Variants in SUZ12 observed in about 807,000 individuals in gnomAD.
SUZ12 encodes SUZ12 polycomb repressive complex 2 subunit.
In SUZ12, 17 loss-of-function variants were observed where a neutral mutation model predicts 87.3. The observed-to-expected ratio is 0.19, with a 90% CI of 0.13 to 0.29. The LOEUF (loss-of-function observed/expected upper bound fraction) is 0.29, where lower values mean the gene tolerates loss of function less well. SUZ12 is among the 10% of genes least tolerant of loss of function. The pLI is 1.00. For missense variants in SUZ12, 526 were observed against 912.2 expected (o/e 0.58, Z 5.45); for synonymous variants, 253 against 312.4 (o/e 0.81, Z 2.01).
At chr17:31,957,670 C>G (rs759276213) in intron 4 of SUZ12, among the ~76,000 whole-genome samples, 1 of 152,010 alleles carries the variant, frequency 6.6e-6, no homozygotes, top group Non-Finnish European at 1.5e-5. Flanking sequence ...CTCAGCCTCC[C>G]AAAGTGCTGG....
At chr17:31,960,455 C>T (rs55671717) in intron 4 of SUZ12, among the ~76,000 whole-genome samples, 16,270 of 152,028 alleles carry the variant, frequency 0.11, 1,066 homozygotes, top group Middle Eastern at 0.15. Flanking sequence ...GTGATCTGCC[C>T]GCCTCGGCCT....
At chr17:31,996,017 TGGACAG>T (rs1242972856) in intron 14 of SUZ12, among the ~76,000 whole-genome samples, 1 of 152,160 alleles carries the variant, frequency 6.6e-6, no homozygotes, top group Non-Finnish European at 1.5e-5. Context: ...AAGACCAGTC[TGGACAG>T]CATGGTGAAA....
At chr17:31,955,072 G>A (rs753578454) in intron 4 of SUZ12, among the ~76,000 whole-genome samples, 2 of 152,064 alleles carry the variant, frequency 1.3e-5, no homozygotes, top group African/African-American at 2.4e-5. Context: ...CTGCATCCTC[G>A]AACTTCCAGG....
chr17:31,994,537 ATTT>A, intron 12 of SUZ12, 24 bp from the exon 13 acceptor site: 1 of 1,248,884 alleles, frequency 8.0e-7, no homozygotes, highest in Non-Finnish European at 1.1e-6. Flanking sequence ...TACTTAATAT[ATTT>A]TTTTTTTTAC....
rs1020708998 is a variant in SUZ12, at chr17:32,000,705, A to G, written c.*1702A>G. 4 of 231,928 alleles carry G rather than the reference A, an allele frequency of 1.7e-5. No individual in the cohort carries two copies. The highest frequency in any genetic ancestry group is 8.8e-5 in the African/African-American group (4 of 45,254). The allele number at this position is 231,928 out of a possible 1,614,324, so 14.4% of individuals were successfully genotyped here. A position where few individuals can be genotyped will look rare whatever the true frequency, so the allele number is the denominator to read the frequency against. On this transcript the variant is annotated 3_prime_UTR_variant, in exon 16 of 16. Transcript: ENST00000322652. Reference sequence around the variant, plus strand: ...TTATTGCTTATGTCATTTCTTAAGCAGTTATGCTCTTAATGCTTAAAAGAA... The same window carrying G: ...TTATTGCTTATGTCATTTCTTAAGCGGTTATGCTCTTAATGCTTAAAAGAA...
chr17:31,938,126 T>C (rs535090206), intron 1 of SUZ12, among the ~76,000 whole-genome samples: 11 of 152,290 alleles, frequency 7.2e-5, no homozygotes, highest in East Asian at 3.9e-4. Flanking sequence ...GGAATTCTGC[T>C]TTTTCTACCT....
intron 15 of SUZ12, among the ~76,000 whole-genome samples, chr17:31,997,085 A>G (rs994909388): frequency 6.6e-6 from 1 of 152,154 alleles, no homozygotes; most frequent in Non-Finnish European, 1.5e-5. Context: ...ATTTATAACA[A>G]TGAATTAATA....
intron 4 of SUZ12, chr17:31,963,687 A>G (rs926151437): frequency 6.8e-6 from 1 of 147,410 alleles, no homozygotes; most frequent in African/African-American, 2.5e-5. Context: ...CACGCCTGGC[A>G]TTTTTTTTTG....
chr17:31,985,757 G>A (rs1309804962), intron 9 of SUZ12, among the ~76,000 whole-genome samples: 2 of 151,650 alleles, frequency 1.3e-5, no homozygotes, highest in African/African-American at 4.8e-5. Flanking sequence ...CCGCCTCCCG[G>A]GTTCAAGCGA....
At chr17:31,991,922 G>C (rs569825312) in intron 10 of SUZ12, among the ~76,000 whole-genome samples, 1 of 151,776 alleles carries the variant, frequency 6.6e-6, no homozygotes, top group South Asian at 2.1e-4. Flanking sequence ...AATATAATAA[G>C]TATAACTTAC....
chr17:31,955,920 T>C (rs1038926166), intron 4 of SUZ12, among the ~76,000 whole-genome samples: 1 of 151,710 alleles, frequency 6.6e-6, no homozygotes, highest in Non-Finnish European at 1.5e-5. Flanking sequence ...TATTATTATT[T>C]TTTGTTTTTG....
rs1226020450 is a variant in SUZ12, at chr17:31,998,080, T to C, written c.1875-578T>C. Among the ~76,000 whole-genome samples, 3 of 146,606 alleles carry C rather than the reference T, an allele frequency of 2.0e-5. No individual in the cohort carries two copies. The East Asian group carries it at 5.9e-4, about 29-fold the overall frequency. On this transcript the variant is annotated intron_variant, in intron 15 of 15. Transcript: ENST00000322652. ...CAGTGAAACCTTGTCTCTACTAAATTTTTTTTTTTTTTTTTTTGAGACGGA... is the reference window on the plus strand; with the variant it reads ...CAGTGAAACCTTGTCTCTACTAAATCTTTTTTTTTTTTTTTTTGAGACGGA...
chr17:31,952,755 G>T (rs1397544827), intron 4 of SUZ12, among the ~76,000 whole-genome samples: 1 of 151,924 alleles, frequency 6.6e-6, no homozygotes, highest in Non-Finnish European at 1.5e-5. Context: ...TAGAGACAGG[G>T]TTTTACCATG....
intron 4 of SUZ12, among the ~76,000 whole-genome samples, chr17:31,952,652 TC>T (rs1382393760): frequency 1.3e-5 from 2 of 152,172 alleles, no homozygotes; most frequent in Non-Finnish European, 2.9e-5. Flanking sequence ...AACCTCCTCT[TC>T]CTGGGTTCAG....
At chr17:31,958,961 T>G (rs1376105390) in intron 4 of SUZ12, among the ~76,000 whole-genome samples, 2 of 152,190 alleles carry the variant, frequency 1.3e-5, no homozygotes, top group Non-Finnish European at 2.9e-5. Context: ...GAGGTTGCAG[T>G]GAGCAGATAT....
chr17:31,983,436 C>T (rs1216682982), intron 9 of SUZ12, among the ~76,000 whole-genome samples: 24 of 148,016 alleles, frequency 1.6e-4, no homozygotes, highest in African/African-American at 5.8e-4. Context: ...CGTGCCACCA[C>T]GCCTGGCTAA....
chr17:31,967,914 G>A (rs187379562), intron 5 of SUZ12, among the ~76,000 whole-genome samples: 1 of 152,106 alleles, frequency 6.6e-6, no homozygotes, highest in East Asian at 1.9e-4. Flanking sequence ...CAGCTATAAC[G>A]TCAACACCTT....
At chr17:31,971,945 T>A (rs1268790192) in intron 5 of SUZ12, among the ~76,000 whole-genome samples, 1 of 151,956 alleles carries the variant, frequency 6.6e-6, no homozygotes, top group Non-Finnish European at 1.5e-5. Context: ...GCCAGACCCT[T>A]GTCTGAAAAA....
In SUZ12 at chr17:31,985,928, T is replaced by C. The variant is rs1335019908; in HGVS notation, c.1024-2392T>C. On this transcript the variant is annotated intron_variant, in intron 9 of 15. Transcript: ENST00000322652. Reference sequence around the variant, plus strand: ...CACCCGCCTCGGCCTCCCAAAGTACTGGGATTACAGGCATGAGCGACCGTG... The same window carrying C: ...CACCCGCCTCGGCCTCCCAAAGTACCGGGATTACAGGCATGAGCGACCGTG... Among the ~76,000 whole-genome samples the C allele has an allele frequency of 2.0e-5, 3 of 152,194 alleles. No homozygotes were observed. The East Asian group carries it at 5.8e-4, about 29-fold the overall frequency.
Sources: allele counts gnomAD v4.1 joint callset (sites outside exome capture counted in the v4.1 genomes callset), GRCh38; gene constraint gnomAD v4.1.1; transcripts MANE v1.5; gene names NCBI Gene and HGNC (gene_info 2026-07-23, HGNC 2026-07-21).